The following FHIP2A variants were observed in gnomAD, a reference collection of about 807,000 sequenced individuals.
The protein encoded by FHIP2A is FHF complex subunit HOOK interacting protein 2A, also known as family with sequence similarity 160 member B1.
In FHIP2A, 46 loss-of-function variants were observed where a neutral mutation model predicts 93.5. The ratio of observed to expected loss-of-function variants is 0.49; its 90% CI spans 0.39 to 0.63. FHIP2A has a LOEUF of 0.63. Among genes scored for constraint, FHIP2A ranks in the 20% least tolerant of loss-of-function variants. The pLI is 0.00. For synonymous variants in FHIP2A, 332 were observed against 326.5 expected (o/e 1.02, Z -0.18); for missense variants, 769 against 909.7 (o/e 0.85, Z 1.99).
intron 16 of FHIP2A, among the ~76,000 whole-genome samples, chr10:114,874,730 C>T (rs913605093): frequency 6.6e-6 from 1 of 152,158 alleles, no homozygotes; most frequent in Non-Finnish European, 1.5e-5. Flanking sequence ...TCTCGAACTC[C>T]TGACCTCAGG....
At chr10:114,828,943 T>TA (rs1356445573) in intron 1 of FHIP2A, among the ~76,000 whole-genome samples, 5 of 152,226 alleles carry the variant, frequency 3.3e-5, no homozygotes, top group African/African-American at 1.2e-4. Context: ...TTGAAACACT[T>TA]AAGGTGTTTA....
In FHIP2A at chr10:114,859,157, T is replaced by C. The variant is rs563566561; in HGVS notation, c.1948-1592T>C. ...AAAATAATAAATGACTTGGAGCAGT[T>C]TTTAATTCTTTAAAAAAATCCATGT... On this transcript the variant is annotated intron_variant, in intron 14 of 16. Coordinates refer to ENST00000369248, the MANE Select transcript of FHIP2A (RefSeq NM_020940.4). 7.9e-5 allele frequency among the ~76,000 whole-genome samples: 12 copies of C among 152,370 alleles called. No homozygotes were observed. In the East Asian group the frequency reaches 2.3e-3, roughly 29 times the overall value.
chr10:114,877,446 A>G (rs1193024634), intron 16 of FHIP2A, among the ~76,000 whole-genome samples: 1 of 152,014 alleles, frequency 6.6e-6, no homozygotes, highest in Non-Finnish European at 1.5e-5. Context: ...AATCAATTAT[A>G]CTGTCAGTAT....
intron 16 of FHIP2A, among the ~76,000 whole-genome samples, chr10:114,887,131 C>G (rs1185790145): frequency 2.6e-4 from 39 of 152,328 alleles, no homozygotes; most frequent in Non-Finnish European, 4.4e-5. Flanking sequence ...GTTTTCACAA[C>G]ACTTTCCTTT....
chr10:114,865,584 A>C (rs1194572267), downstream of FHIP2A, among the ~76,000 whole-genome samples: 1 of 152,124 alleles, frequency 6.6e-6, no homozygotes, highest in Non-Finnish European at 1.5e-5. Context: ...GAAGAGTTGA[A>C]ATCACCCTCC....
intron 5 of FHIP2A, among the ~76,000 whole-genome samples, chr10:114,841,915 ACAATTTGC>A (rs1183133530): frequency 6.6e-6 from 1 of 152,158 alleles, no homozygotes; most frequent in African/African-American, 2.4e-5. Flanking sequence ...CTTGAAGCTA[ACAATTTGC>A]TAATTTGCTT....
At chr10:114,870,685 G>C (rs759620183) in intron 16 of FHIP2A, among the ~76,000 whole-genome samples, 12 of 152,132 alleles carry the variant, frequency 7.9e-5, no homozygotes, top group Non-Finnish European at 1.3e-4. Flanking sequence ...AAATCTTGTA[G>C]GGCTCTGACG....
In FHIP2A at chr10:114,864,494, A is replaced by C; in HGVS notation, c.*2954A>C. The stretch of plus-strand genomic sequence containing the variant: ...GCCTCCTGCCTTGTTTACATTAAAC[A>C]GGATATTTGGTAAATTTTTTTGTAT... On this transcript the variant is annotated 3_prime_UTR_variant, in exon 17 of 17. Transcript: ENST00000369248. 2 of 985,836 alleles carry C rather than the reference A, an allele frequency of 2.0e-6. No homozygotes were observed. Among genetic ancestry groups the C allele is most frequent in the Non-Finnish European group, 2.4e-6 (2 of 829,904 alleles). 61.1% of individuals were successfully genotyped at this position (985,836 alleles called of 1,614,324 possible). A position where few individuals can be genotyped will look rare whatever the true frequency, so the allele number is the denominator to read the frequency against.
At chr10:114,841,454 A>G (rs1484660035) in intron 5 of FHIP2A, among the ~76,000 whole-genome samples, 1 of 151,876 alleles carries the variant, frequency 6.6e-6, no homozygotes, top group East Asian at 1.9e-4. Flanking sequence ...CACCACGCCC[A>G]GCTAATTTTT....
rs774567874 is a variant in FHIP2A at position 114,860,861 on chromosome 10, G to C, written c.2060G>C (p.Cys687Ser). 6.2e-7 allele frequency: 1 copy of C among 1,613,522 alleles called. No homozygotes were observed. The highest frequency in any genetic ancestry group is 1.3e-5 in the African/African-American group (1 of 74,878). The change falls in exon 15 of 17, where the codon TGT becomes TCT. Residue 687 changes from cysteine (C) to serine (S), a missense_variant. Transcript: ENST00000369248. Reference protein sequence around the residue: ...LDPYVNLAPGCRSLFSVIVRV... With the variant: ...LDPYVNLAPGSRSLFSVIVRV... The stretch of plus-strand genomic sequence containing the variant: ...CCTTACGTGAACCTCGCTCCTGGCT[G>C]TAGATCTCTCTTCTCTGTAATTGTC...
At chr10:114,880,680 A>AACACACACACACACACACACACACAC (rs71473073) in intron 16 of FHIP2A, among the ~76,000 whole-genome samples, 123 of 144,132 alleles carry the variant, frequency 8.5e-4, no homozygotes, top group African/African-American at 3.0e-3. Context: ...ACTCCATGTC[A>AACACACACACACACACACACACACAC]ACACACACAC....
At position 114,863,018 on chromosome 10, in the gene FHIP2A, G is replaced by A; in HGVS notation, c.*1478G>A. 1.0e-6 allele frequency: 1 copy of A among 985,274 alleles called. No homozygotes were observed. The highest frequency in any genetic ancestry group is 1.1e-4 in the East Asian group (1 of 8,816). The allele number at this position is 985,274 out of a possible 1,614,324, so 61.0% of individuals were successfully genotyped here. A position where few individuals can be genotyped will look rare whatever the true frequency, so the allele number is the denominator to read the frequency against. On this transcript the variant is annotated 3_prime_UTR_variant, in exon 17 of 17. Transcript: ENST00000369248. The stretch of plus-strand genomic sequence containing the variant: ...CTGGTTTATTTCATAGTTTGTTCTT[G>A]CTATTTATTAAGAACAGAATATCAA...
chr10:114,890,687 A>ACG lies in FHIP2A; in HGVS notation c.2193-8803_2193-8802insCG, dbSNP rs199809686. The stretch of plus-strand genomic sequence containing the variant: ...AAAATATATACCGTATATGACATAT[A>ACG]GTATATAAAATATATACCGTATATG... On this transcript the variant is annotated intron_variant, in intron 16 of 16. Transcript: ENST00000369250. 2.1e-3 allele frequency among the ~76,000 whole-genome samples: 291 copies of ACG among 140,114 alleles called. 1 individual carries two copies. The highest frequency in any genetic ancestry group is 3.2e-3 in the African/African-American group (106 of 33,330). The allele number at this position is 140,114 out of a possible 152,430, so 91.9% of individuals were successfully genotyped here. A position where few individuals can be genotyped will look rare whatever the true frequency, so the allele number is the denominator to read the frequency against.
chr10:114,865,856 T>G (rs757299214), downstream of FHIP2A, among the ~76,000 whole-genome samples: 4 of 152,048 alleles, frequency 2.6e-5, no homozygotes, highest in Non-Finnish European at 5.9e-5. Context: ...CATGTGAGTT[T>G]GTTTAATGCT....
chr10:114,836,364 C>A, intron 5 of FHIP2A, 118 bp downstream of exon 5: 1 of 785,972 alleles, frequency 1.3e-6, no homozygotes, highest in African/African-American at 1.7e-5. Context: ...GCTTGTTTTA[C>A]TTCCCAGAAT....
At chr10:114,879,355 A>T (rs2083905414) in intron 16 of FHIP2A, among the ~76,000 whole-genome samples, 1 of 152,206 alleles carries the variant, frequency 6.6e-6, no homozygotes, top group South Asian at 2.1e-4. Flanking sequence ...CTCCCTTGGG[A>T]CATGGCTTAG....
At chr10:114,871,726 G>A (rs184399567) in intron 16 of FHIP2A, among the ~76,000 whole-genome samples, 321 of 152,200 alleles carry the variant, frequency 2.1e-3, no homozygotes, top group Non-Finnish European at 3.2e-3. Context: ...AGGCTGGTAC[G>A]CCCCTCATTA....
At chr10:114,873,304 T>A (rs1021292928) in intron 16 of FHIP2A, among the ~76,000 whole-genome samples, 1 of 152,222 alleles carries the variant, frequency 6.6e-6, no homozygotes, top group African/African-American at 2.4e-5. Flanking sequence ...AGACTGGGAT[T>A]GTGGATGTTA....
Position 114,890,554 on chromosome 10 carries a change from C to T in FHIP2A, c.2193-8936C>T, listed in dbSNP as rs553530962. On this transcript the variant is annotated intron_variant, in intron 16 of 16. Coordinates refer to the FHIP2A transcript ENST00000369250. ...TGACATATATAGTATATTAAATATA[C>T]GCTATATATGACATATATAGTATAT... 5.0e-4 allele frequency among the ~76,000 whole-genome samples: 73 copies of T among 146,068 alleles called. No homozygotes were observed. The South Asian group carries it at 5.3e-3, about 11-fold the overall frequency.
Sources: allele counts gnomAD v4.1 joint callset (sites outside exome capture counted in the v4.1 genomes callset), GRCh38; gene constraint gnomAD v4.1.1; transcripts MANE v1.5; gene names NCBI Gene and HGNC (gene_info 2026-07-23, HGNC 2026-07-21).